Variants in ROBO2 observed in about 807,000 individuals in gnomAD.
ROBO2 encodes the protein roundabout homolog 2.
Under a neutral mutation model 160.8 loss-of-function variants are expected in ROBO2, and 53 were observed. That is an observed-to-expected ratio of 0.33 (90% CI 0.26 to 0.41). ROBO2 has a LOEUF of 0.41. ROBO2 is among the 10% of genes least tolerant of loss of function. The probability of loss-of-function intolerance (pLI) is 1.00; values close to 1 mark genes in which losing one functional copy is unlikely to be tolerated. For synonymous variants in ROBO2, 664 were observed against 611.7 expected (o/e 1.09, Z -1.26); for missense variants, 1,577 against 1,722.4 (o/e 0.92, Z 1.49).
intron 2 of ROBO2, among the ~76,000 whole-genome samples, chr3:77,034,378 TA>T (rs200520468): frequency 0.15 from 19,901 of 130,992 alleles, 1,355 homozygotes; most frequent in African/African-American, 0.21. Context: ...TATTCTTTGT[TA>T]AAAAAAAAAA....
chr3:76,612,716 AAAT>A (rs1480700746), intron 2 of ROBO2, among the ~76,000 whole-genome samples: 1 of 152,126 alleles, frequency 6.6e-6, no homozygotes, highest in South Asian at 2.1e-4. Context: ...GTAAAATTAA[AAAT>A]AATAATAATA....
chr3:76,421,960 A>G (rs937352391), intron 2 of ROBO2, among the ~76,000 whole-genome samples: 5 of 152,034 alleles, frequency 3.3e-5, no homozygotes, highest in Admixed American at 6.6e-5. Context: ...CCTATACCCA[A>G]TTCTTGCTTC....
At position 77,061,424 on chromosome 3, in the gene ROBO2, T is replaced by C. The variant is rs75140454; in HGVS notation, c.61+20578T>C. Among the ~76,000 whole-genome samples, 578 of 152,278 alleles carry C rather than the reference T, an allele frequency of 3.8e-3. 3 individuals carry two copies. Among genetic ancestry groups the C allele is most frequent in the African/African-American group, 6.1e-3 (253 of 41,568 alleles). On this transcript the variant is annotated intron_variant, in intron 1 of 25. Coordinates refer to ENST00000461745, the Ensembl canonical transcript of ROBO2. Reference sequence around the variant, plus strand: ...TTAAAATTTTTAACTTTTTTTCCTATGTCTCCAAATAATACCTGGGGAGAA... The same window carrying C: ...TTAAAATTTTTAACTTTTTTTCCTACGTCTCCAAATAATACCTGGGGAGAA...
At chr3:76,386,838 G>A (rs1464897359) in intron 2 of ROBO2, among the ~76,000 whole-genome samples, 2 of 152,134 alleles carry the variant, frequency 1.3e-5, no homozygotes, top group Admixed American at 6.5e-5. Context: ...CAAGAGAAAG[G>A]TGAATAAGCC....
intron 2 of ROBO2, among the ~76,000 whole-genome samples, chr3:76,000,851 A>G (rs1172833511): frequency 6.6e-6 from 1 of 152,102 alleles, no homozygotes; most frequent in African/African-American, 2.4e-5. Context: ...ATCATTTTAT[A>G]TCCCTCAGCA....
intron 2 of ROBO2, among the ~76,000 whole-genome samples, chr3:75,976,662 G>A (rs140587524): frequency 5.1e-4 from 78 of 151,592 alleles, no homozygotes; most frequent in African/African-American, 1.3e-3. Context: ...CACAAAGAAA[G>A]AATGGGTATT....
At chr3:77,032,819 G>A (rs1479579016) in intron 2 of ROBO2, among the ~76,000 whole-genome samples, 1 of 150,918 alleles carries the variant, frequency 6.6e-6, no homozygotes, top group Non-Finnish European at 1.5e-5. Flanking sequence ...CGCCAAGGGG[G>A]TAAGGTATAG....
chr3:76,016,713 A>C (rs2066416059), intron 2 of ROBO2, among the ~76,000 whole-genome samples: 1 of 152,172 alleles, frequency 6.6e-6, no homozygotes, highest in African/African-American at 2.4e-5. Flanking sequence ...ATAGTAAATA[A>C]TTGAAATAAA....
intron 2 of ROBO2, among the ~76,000 whole-genome samples, chr3:77,272,740 ATTG>A (rs1304649798): frequency 1.3e-5 from 2 of 152,170 alleles, no homozygotes; most frequent in African/African-American, 4.8e-5. Context: ...TAGTTCCATT[ATTG>A]TAATTATGCC....
chr3:77,618,001 C>T (rs2094819339), intron 22 of ROBO2: 1 of 560,644 alleles, frequency 1.8e-6, no homozygotes, highest in Admixed American at 3.1e-5. Context: ...GTAACTGTAA[C>T]TGTAACTAGA....
At chr3:76,685,313 G>T (rs78010191) in intron 2 of ROBO2, among the ~76,000 whole-genome samples, 79 of 151,528 alleles carry the variant, frequency 5.2e-4, no homozygotes, top group Admixed American at 1.4e-3. Context: ...AAATGCTACG[G>T]GATATCCTGT....
chr3:77,488,805 A>C (rs1374623313), intron 4 of ROBO2, among the ~76,000 whole-genome samples: 1 of 152,158 alleles, frequency 6.6e-6, no homozygotes, highest in Non-Finnish European at 1.5e-5. Flanking sequence ...TTTGAAATAC[A>C]TTTTTGGCCT....
chr3:77,477,574 G>A lies in ROBO2; in HGVS notation c.546+3G>A. On this transcript the variant is annotated splice_donor_region_variant and intron_variant, in intron 3 of 25. Transcript: ENST00000461745. ...ATGACAAGGAAGAAAGAATAAGTGT[G>A]AGTTAAATTAAAATCATGGCCCAGA... is the stretch of plus-strand genomic sequence containing the variant. The A allele has an allele frequency of 6.2e-7, 1 of 1,613,562 alleles. No individual in the cohort carries two copies. The highest frequency in any genetic ancestry group is 8.5e-7 in the Non-Finnish European group (1 of 1,179,600).
At chr3:77,001,888 C>A (rs187512133) in intron 2 of ROBO2, among the ~76,000 whole-genome samples, 2 of 152,240 alleles carry the variant, frequency 1.3e-5, no homozygotes, top group Non-Finnish European at 2.9e-5. Flanking sequence ...TGTGAAGGAT[C>A]CTATCTTCTT....
At chr3:76,321,757 A>T (rs922306601) in intron 2 of ROBO2, among the ~76,000 whole-genome samples, 1 of 152,104 alleles carries the variant, frequency 6.6e-6, no homozygotes, top group African/African-American at 2.4e-5. Context: ...TGAATCTAGA[A>T]TTTATAGAAC....
chr3:77,425,195 GA>G (rs147560096), intron 2 of ROBO2, among the ~76,000 whole-genome samples: 7,162 of 104,376 alleles, frequency 0.069, 497 homozygotes, highest in African/African-American at 0.2. Flanking sequence ...GCAATGGCAA[GA>G]AAAAAAAAAA....
intron 2 of ROBO2, among the ~76,000 whole-genome samples, chr3:76,548,727 T>C (rs777281537): frequency 1.3e-5 from 2 of 151,702 alleles, no homozygotes; most frequent in Non-Finnish European, 2.9e-5. Context: ...TTCTCCACCA[T>C]AGCCAAAATT....
chr3:77,184,080 G>A (rs572148983), intron 2 of ROBO2, among the ~76,000 whole-genome samples: 1 of 152,048 alleles, frequency 6.6e-6, no homozygotes, highest in Non-Finnish European at 1.5e-5. Flanking sequence ...ATTGAATGAA[G>A]AGGAGCATGT....
At position 76,335,727 on chromosome 3, in the gene ROBO2, C is replaced by T. The variant is rs570359339; in HGVS notation, c.109+398125C>T. On this transcript the variant is annotated intron_variant, in intron 2 of 26. Coordinates refer to the ROBO2 transcript ENST00000487694. ...CGAGCAGCTGGGACTACAGGCGCCG[C>T]CACCACGCCCAGCTAATTTTTTGTA... Among the ~76,000 whole-genome samples the T allele has an allele frequency of 7.9e-5, 12 of 152,082 alleles. No individual in the cohort carries two copies. In the East Asian group the frequency reaches 2.1e-3, roughly 27 times the overall value.
Sources: gnomAD v4.1 joint callset for allele counts (sites outside exome capture counted in the v4.1 genomes callset) on GRCh38, gnomAD v4.1.1 for gene constraint, MANE v1.5 for transcripts, NCBI Gene and HGNC (gene_info 2026-07-23, HGNC 2026-07-21) for gene names.